Variants in PRR16 observed in about 807,000 individuals in gnomAD.
The protein encoded by PRR16 is proline rich 16, also known as protein Largen.
In PRR16, 6 loss-of-function variants were observed where a neutral mutation model predicts 18.2. The observed-to-expected ratio is 0.33, with a 90% CI of 0.18 to 0.65. The LOEUF is 0.65. PRR16 is among the 30% of genes least tolerant of loss of function. The probability of loss-of-function intolerance (pLI) is 0.74; values close to 1 mark genes in which losing one functional copy is unlikely to be tolerated. For missense variants in PRR16, 412 were observed against 376.6 expected (o/e 1.09, Z -0.78); for synonymous variants, 151 against 147.8 (o/e 1.02, Z -0.16).
the PRR16 span, among the ~76,000 whole-genome samples, chr5:120,782,503 T>TTTCCCTGGATAAGTTCC: frequency 2.6e-5 from 4 of 152,170 alleles, no homozygotes; most frequent in Admixed American, 6.5e-5. Flanking sequence ...TGGTTCCACA[T>TTTCCCTGGATAAGTTCC]TTCCCTGGAT....
chr5:120,497,384 A>ATTTTTTTTTTTTTT (rs765496177), intron 1 of PRR16, among the ~76,000 whole-genome samples: 1 of 84,178 alleles, frequency 1.2e-5, no homozygotes, highest in Non-Finnish European at 2.2e-5. Flanking sequence ...TGATGAACTG[A>ATTTTTTTTTTTTTT]TTTTTTTTTT....
intron 1 of PRR16, among the ~76,000 whole-genome samples, chr5:120,609,112 T>C (rs1754251640): frequency 6.6e-6 from 1 of 152,074 alleles, no homozygotes; most frequent in South Asian, 2.1e-4. Context: ...TTTATTCAGA[T>C]ATACTCCCAC....
At chr5:120,620,207 G>A (rs11744296) in intron 1 of PRR16, among the ~76,000 whole-genome samples, 1,943 of 152,222 alleles carry the variant, frequency 0.013, 20 homozygotes, top group Non-Finnish European at 0.02. Context: ...TAATAACATA[G>A]TGCATAAAAT....
chr5:120,786,332 G>C, the PRR16 span, among the ~76,000 whole-genome samples: 2 of 151,600 alleles, frequency 1.3e-5, no homozygotes, highest in African/African-American at 4.8e-5. Flanking sequence ...CATATTACTA[G>C]ACAACATTGC....
chr5:120,781,138 C>A, the PRR16 span: 1 of 151,782 alleles, frequency 6.6e-6, no homozygotes, highest in Non-Finnish European at 1.5e-5. Flanking sequence ...AAATAATTGA[C>A]AATTTTTTTT....
At chr5:120,485,755 C>T (rs1030898830) in intron 1 of PRR16, among the ~76,000 whole-genome samples, 25 of 152,186 alleles carry the variant, frequency 1.6e-4, no homozygotes, top group Admixed American at 1.0e-3. Flanking sequence ...CCCATCAACC[C>T]GTCATCTAAC....
At chr5:120,641,163 T>G (rs1755409945) in intron 1 of PRR16, among the ~76,000 whole-genome samples, 1 of 152,178 alleles carries the variant, frequency 6.6e-6, no homozygotes, top group Non-Finnish European at 1.5e-5. Flanking sequence ...ATAGCAAATA[T>G]GACTTGCCTT....
At chr5:120,566,028 A>G (rs1004655257) in intron 1 of PRR16, among the ~76,000 whole-genome samples, 1 of 152,334 alleles carries the variant, frequency 6.6e-6, no homozygotes, top group Middle Eastern at 3.4e-3. Flanking sequence ...TCCAAAACTT[A>G]TGTTGAAATT....
At chr5:120,683,457 G>T (rs552070469) in intron 1 of PRR16, among the ~76,000 whole-genome samples, 1 of 145,568 alleles carries the variant, frequency 6.9e-6, no homozygotes, top group Non-Finnish European at 1.5e-5. Flanking sequence ...AGCTGAGATC[G>T]CATCACTGCA....
At chr5:120,560,606 G>A (rs1022531591) in intron 1 of PRR16, among the ~76,000 whole-genome samples, 1 of 151,880 alleles carries the variant, frequency 6.6e-6, no homozygotes, top group Admixed American at 6.6e-5. Flanking sequence ...TACATTTGTT[G>A]TGTCTTTTTC....
chr5:120,529,017 A>C (rs73784579), intron 1 of PRR16, among the ~76,000 whole-genome samples: 1 of 151,776 alleles, frequency 6.6e-6, no homozygotes, highest in African/African-American at 2.4e-5. Flanking sequence ...TAATTAAATC[A>C]TTTTTTTTAT....
chr5:120,504,513 A>G (rs533481313), intron 1 of PRR16, among the ~76,000 whole-genome samples: 5 of 152,270 alleles, frequency 3.3e-5, no homozygotes, highest in Non-Finnish European at 7.4e-5. Flanking sequence ...TCTGTCACAT[A>G]CTGACTGGGA....
intron 1 of PRR16, among the ~76,000 whole-genome samples, chr5:120,565,072 A>T (rs1580730359): frequency 6.6e-6 from 1 of 151,196 alleles, no homozygotes. Context: ...CTGTGTACAT[A>T]TAGTTGCTAA....
At chr5:120,611,505 G>T (rs112004399) in intron 1 of PRR16, among the ~76,000 whole-genome samples, 8,929 of 152,242 alleles carry the variant, frequency 0.059, 338 homozygotes, top group South Asian at 0.085. Context: ...GGGACTTGGT[G>T]CCCTGTGTAC....
intron 1 of PRR16, among the ~76,000 whole-genome samples, chr5:120,549,304 T>C (rs1212704903): frequency 6.6e-6 from 1 of 152,074 alleles, no homozygotes; most frequent in Non-Finnish European, 1.5e-5. Flanking sequence ...ATCGCCATGG[T>C]CTTAAACTCC....
rs1191217479 is a variant in PRR16 at position 120,652,201 on chromosome 5, C to A, written c.160-33753C>A. ...GTTTTGATCATCGATTTAGATGATT[C>A]TATGGAAAAGAAATATTTGCAATGG... is the stretch of plus-strand genomic sequence containing the variant. On this transcript the variant is annotated intron_variant, in intron 1 of 1. Coordinates refer to ENST00000407149, the MANE Select transcript of PRR16 (RefSeq NM_001300783.2). 2.0e-5 allele frequency among the ~76,000 whole-genome samples: 3 copies of A among 151,928 alleles called. No individual in the cohort carries two copies. In the East Asian group the frequency reaches 5.8e-4, roughly 29 times the overall value.
At chr5:120,522,537 A>T (rs751985248) in intron 1 of PRR16, among the ~76,000 whole-genome samples, 15 of 152,058 alleles carry the variant, frequency 9.9e-5, no homozygotes, top group Non-Finnish European at 1.8e-4. Flanking sequence ...TTTTTCTTGT[A>T]AATTTGTTAA....
chr5:120,486,843 C>G (rs1749819589), intron 1 of PRR16, among the ~76,000 whole-genome samples: 1 of 152,172 alleles, frequency 6.6e-6, no homozygotes, highest in African/African-American at 2.4e-5. Context: ...AGGAAGGGAT[C>G]CAGTTTCAGC....
the PRR16 span, among the ~76,000 whole-genome samples, chr5:120,785,658 C>CTCCT: frequency 6.7e-6 from 1 of 148,234 alleles, no homozygotes; most frequent in East Asian, 2.0e-4. Context: ...CTGCAACCTC[C>CTCCT]TCCTTCCAGG....
Sources: allele counts gnomAD v4.1 joint callset (sites outside exome capture counted in the v4.1 genomes callset), GRCh38; gene constraint gnomAD v4.1.1; transcripts MANE v1.5; gene names NCBI Gene and HGNC (gene_info 2026-07-23, HGNC 2026-07-21).